Variants in HIVEP3 observed in about 807,000 individuals in gnomAD.
HIVEP3 encodes transcription factor HIVEP3.
A neutral mutation model predicts 152.8 loss-of-function variants in HIVEP3; 49 were observed. The observed-to-expected ratio is 0.32, with a 90% CI of 0.26 to 0.41. The LOEUF (loss-of-function observed/expected upper bound fraction) is 0.41, where lower values mean the gene tolerates loss of function less well. HIVEP3 is among the 10% of genes least tolerant of loss of function. The pLI is 1.00. For missense variants in HIVEP3, 2,790 were observed against 3,103.3 expected (o/e 0.90, Z 2.40); for synonymous variants, 1,269 against 1,289.0 (o/e 0.98, Z 0.33).
At chr1:41,538,365 T>C (rs1044685744) in intron 5 of HIVEP3, among the ~76,000 whole-genome samples, 2 of 151,928 alleles carry the variant, frequency 1.3e-5, no homozygotes, top group Non-Finnish European at 2.9e-5. Flanking sequence ...CCGACAGAAA[T>C]AAGAGGGGAG....
chr1:41,527,557 TCA>T (rs1291206705), intron 5 of HIVEP3, among the ~76,000 whole-genome samples: 16 of 74,942 alleles, frequency 2.1e-4, no homozygotes, highest in Admixed American at 1.6e-3. Context: ...CCCCACACCC[TCA>T]CACTCTTTCA....
At chr1:41,527,230 TCACACACTCACCTCA>T (rs1350202676) in intron 5 of HIVEP3, among the ~76,000 whole-genome samples, 9 of 49,010 alleles carry the variant, frequency 1.8e-4, no homozygotes, top group Admixed American at 4.4e-4. Context: ...ACACTCACCC[TCACACACTCACCTCA>T]CACACACACA....
chr1:41,777,029 G>GT (rs1648746906), intron 1 of HIVEP3, among the ~76,000 whole-genome samples: 1 of 152,186 alleles, frequency 6.6e-6, no homozygotes, highest in Non-Finnish European at 1.5e-5. Flanking sequence ...TGGACTCCTG[G>GT]TTCAGGTTCT....
At chr1:41,671,937 C>T (rs963729160) in intron 2 of HIVEP3, among the ~76,000 whole-genome samples, 2 of 152,120 alleles carry the variant, frequency 1.3e-5, no homozygotes, top group African/African-American at 4.8e-5. Flanking sequence ...GGAGAATGGC[C>T]TGAAGGGAGG....
chr1:41,869,323 C>T (rs1289042378), intron 1 of HIVEP3, among the ~76,000 whole-genome samples: 1 of 152,216 alleles, frequency 6.6e-6, no homozygotes. Context: ...TGGATATCAA[C>T]TGCCCTTAAG....
chr1:41,895,884 A>T (rs1399404444), intron 1 of HIVEP3, among the ~76,000 whole-genome samples: 2 of 152,228 alleles, frequency 1.3e-5, no homozygotes, highest in Admixed American at 1.3e-4. Flanking sequence ...CAGAGAGACT[A>T]TGTTTGAGCA....
At position 41,583,234 on chromosome 1, in the gene HIVEP3, G is replaced by A; in HGVS notation, c.1564C>T (p.Leu522=). The part of the protein sequence containing the change: ...HSEKTKPEQS[L]LSLQHPPSTA... ...CTGGGCGGGTGCTGGAGGCTCAGCA[G>A]TGATTGTTCAGGCTTGGTTTTCTCA... The change falls in exon 4 of 9, where the codon CTG becomes TTG. Residue 522 remains leucine (L), a synonymous_variant. Transcript: ENST00000372583. The surrounding 1 kb of genome is among the most constrained non-coding windows in gnomAD (Gnocchi z 6.9). The A allele has an allele frequency of 1.9e-6, 3 of 1,612,914 alleles. No individual in the cohort carries two copies. Among genetic ancestry groups the A allele is most frequent in the Non-Finnish European group, 2.5e-6 (3 of 1,179,534 alleles).
chr1:41,807,419 G>A (rs1650699123), intron 1 of HIVEP3, among the ~76,000 whole-genome samples: 2 of 152,206 alleles, frequency 1.3e-5, no homozygotes, highest in South Asian at 2.1e-4. Context: ...TGGAGTGCCA[G>A]ACCCTGCCAG....
At chr1:41,982,504 G>C (rs900621146) in intron 1 of HIVEP3, among the ~76,000 whole-genome samples, 2 of 152,048 alleles carry the variant, frequency 1.3e-5, no homozygotes, top group African/African-American at 4.8e-5. Flanking sequence ...TCAAAAAGAG[G>C]AATTTATGTA....
At position 41,581,158 on chromosome 1, in the gene HIVEP3, T is replaced by G; in HGVS notation, c.3640A>C (p.Asn1214His). 1 of 1,548,518 alleles carries G rather than the reference T, an allele frequency of 6.5e-7. No individual in the cohort carries two copies. The highest frequency in any genetic ancestry group is 8.7e-7 in the Non-Finnish European group (1 of 1,146,674). Residue 1214 changes from asparagine (N) to histidine (H), a missense_variant, in exon 4 of 9, where the codon AAC becomes CAC. This residue lies in a region of HIVEP3 where 1,078 missense variants were observed against 1,165.3 expected (regional missense o/e 0.93). Coordinates refer to ENST00000372583, the MANE Select transcript of HIVEP3 (RefSeq NM_024503.5). The surrounding 1 kb of genome is among the most constrained non-coding windows in gnomAD (Gnocchi z 4.5). ...GAAGGGGGCTGCCTGAAGGGGATGT[T>G]GGCTGGGTGAGGCATGAGCTGGGGG... ...HLPQLMPHPA[N>H]IPFRQPPSFL... is the part of the protein sequence containing the mutation.
chr1:41,736,761 G>A (rs1239813473), intron 1 of HIVEP3, among the ~76,000 whole-genome samples: 1 of 152,224 alleles, frequency 6.6e-6, no homozygotes, highest in Non-Finnish European at 1.5e-5. Flanking sequence ...GTCCTTGGGT[G>A]GCTCAGAGTC....
At chr1:41,550,198 T>C (rs551556351) in intron 5 of HIVEP3, among the ~76,000 whole-genome samples, 2 of 152,334 alleles carry the variant, frequency 1.3e-5, no homozygotes, top group South Asian at 4.2e-4. Flanking sequence ...ATGTGTGGTG[T>C]TATTTCTGAG....
intron 1 of HIVEP3, among the ~76,000 whole-genome samples, chr1:42,005,389 CAT>C (rs199866287): frequency 1.5e-3 from 224 of 152,040 alleles, no homozygotes; most frequent in East Asian, 0.012. Context: ...ATGACACACA[CAT>C]GTGTATATAT....
chr1:41,673,671 G>C (rs1463349853), intron 2 of HIVEP3, among the ~76,000 whole-genome samples: 2 of 152,164 alleles, frequency 1.3e-5, no homozygotes, highest in African/African-American at 2.4e-5. Context: ...TCTCAAGCTT[G>C]AAGGTTTATC....
At chr1:41,619,893 A>G (rs1645022162) in intron 3 of HIVEP3, among the ~76,000 whole-genome samples, 3 of 152,168 alleles carry the variant, frequency 2.0e-5, no homozygotes, top group Admixed American at 2.0e-4. Flanking sequence ...GGCTGCAGTG[A>G]GCACCTAGGC....
intron 1 of HIVEP3, among the ~76,000 whole-genome samples, chr1:41,720,582 C>T (rs1361558226): frequency 6.8e-6 from 1 of 147,618 alleles, no homozygotes; most frequent in East Asian, 2.1e-4. Flanking sequence ...AATTAGAACA[C>T]TTGTGCACTG....
chr1:41,966,627 C>A (rs985310811), intron 1 of HIVEP3, among the ~76,000 whole-genome samples: 9 of 150,972 alleles, frequency 6.0e-5, no homozygotes, highest in African/African-American at 2.2e-4. Flanking sequence ...GTGCCCATCA[C>A]CGTGCCCAGC....
chr1:41,631,137 G>A (rs950762495), intron 2 of HIVEP3, among the ~76,000 whole-genome samples: 7 of 152,198 alleles, frequency 4.6e-5, no homozygotes, highest in South Asian at 2.1e-4. Flanking sequence ...GTGGCGTGGC[G>A]TGTCATATCC....
intron 1 of HIVEP3, among the ~76,000 whole-genome samples, chr1:42,034,297 C>T (rs1645629100): frequency 6.6e-6 from 1 of 152,162 alleles, no homozygotes; most frequent in South Asian, 2.1e-4. Flanking sequence ...TCTTAACAGC[C>T]TCTATCAGTA....
Sources: allele counts gnomAD v4.1 joint callset (sites outside exome capture counted in the v4.1 genomes callset), GRCh38; gene constraint gnomAD v4.1.1; regional missense constraint gnomAD v4.1.1; non-coding constraint Gnocchi (gnomAD v3.1); transcripts MANE v1.5; gene names NCBI Gene and HGNC (gene_info 2026-07-23, HGNC 2026-07-21).